Variants in ZMYM2 observed in about 807,000 individuals in gnomAD.
ZMYM2 encodes zinc finger MYM-type protein 2.
ZMYM2 carries 56 observed loss-of-function variants against 162.8 expected under a neutral mutation model. The ratio of observed to expected loss-of-function variants is 0.34; its 90% CI spans 0.28 to 0.43. The LOEUF is 0.43. Ranked by LOEUF, ZMYM2 falls within the 20% of genes least tolerant of loss-of-function variation. The pLI, the probability that ZMYM2 is intolerant of heterozygous loss-of-function variation, is 1.00. For synonymous variants in ZMYM2, 510 were observed against 541.6 expected (o/e 0.94, Z 0.81); for missense variants, 1,275 against 1,621.8 (o/e 0.79, Z 3.67).
chr13:20,067,675 G>A (rs1956784317), intron 21 of ZMYM2, among the ~76,000 whole-genome samples: 1 of 152,112 alleles, frequency 6.6e-6, no homozygotes, highest in Admixed American at 6.5e-5. Flanking sequence ...TCTGTAAATA[G>A]GTCTGTTTCA....
intron 11 of ZMYM2, among the ~76,000 whole-genome samples, chr13:20,035,527 TCTTA>T (rs1266895653): frequency 1.3e-5 from 2 of 152,214 alleles, no homozygotes; most frequent in Admixed American, 6.5e-5. Context: ...GCAATGACAT[TCTTA>T]CTGATTCATA....
chr13:19,925,717 C>T, the ZMYM2 span, among the ~76,000 whole-genome samples: 6 of 151,286 alleles, frequency 4.0e-5, no homozygotes, highest in African/African-American at 9.7e-5. Context: ...CACTAAAATA[C>T]AAAAATTAGC....
intron 2 of ZMYM2, among the ~76,000 whole-genome samples, chr13:19,968,255 T>C (rs576508025): frequency 8.5e-5 from 13 of 152,262 alleles, no homozygotes; most frequent in Admixed American, 1.3e-4. Flanking sequence ...GACTTTCCTT[T>C]TTTTGAGCCA....
chr13:19,919,500 C>A, the ZMYM2 span, among the ~76,000 whole-genome samples: 1 of 151,950 alleles, frequency 6.6e-6, no homozygotes, highest in African/African-American at 2.4e-5. Flanking sequence ...TGCCTTCTCA[C>A]CATCATAGGG....
chr13:19,884,387 AAC>A, the ZMYM2 span, among the ~76,000 whole-genome samples: 8,205 of 152,200 alleles, frequency 0.054, 297 homozygotes, highest in Middle Eastern at 0.1. Flanking sequence ...GGCCCGGGCT[AAC>A]ACAGTATAAC....
intron 2 of ZMYM2, among the ~76,000 whole-genome samples, chr13:19,987,198 T>C (rs1949226228): frequency 6.6e-6 from 1 of 151,268 alleles, no homozygotes; most frequent in Admixed American, 6.6e-5. Flanking sequence ...GAGGTCAGGA[T>C]TTAAATATTC....
intron 2 of ZMYM2, among the ~76,000 whole-genome samples, chr13:19,962,154 G>A (rs1365755194): frequency 6.6e-6 from 1 of 152,100 alleles, no homozygotes; most frequent in East Asian, 1.9e-4. Flanking sequence ...TAACTTCTGT[G>A]TGGATATAGA....
the ZMYM2 span, among the ~76,000 whole-genome samples, chr13:19,903,483 CAAAAAAAA>C: frequency 5.5e-4 from 46 of 83,730 alleles, 1 homozygote; most frequent in Admixed American, 1.3e-3. Flanking sequence ...ACTAAAAATA[CAAAAAAAA>C]AAAAAAAAAA....
At chr13:19,888,896 C>A in the ZMYM2 span, among the ~76,000 whole-genome samples, 1 of 151,868 alleles carries the variant, frequency 6.6e-6, no homozygotes, top group East Asian at 1.9e-4. Flanking sequence ...CTGTGCCTGG[C>A]CTATTATTTA....
In ZMYM2 at chr13:20,026,706, C is replaced by G; in HGVS notation, c.1679C>G (p.Pro560Arg). 1 of 1,606,188 alleles carries G rather than the reference C, an allele frequency of 6.2e-7. No homozygotes were observed. The highest frequency in any genetic ancestry group is 8.5e-7 in the Non-Finnish European group (1 of 1,178,318). The stretch of plus-strand genomic sequence containing the variant: ...ATAGGTCCTAATGGATATATGGAGC[C>G]ATATTGTTCAACTGCTTGTATGAAC... ...QCIGPNGYMEPYCSTACMNSH... is the reference protein window; with the variant it reads ...QCIGPNGYMERYCSTACMNSH... Residue 560 changes from proline to arginine, a missense_variant, in exon 8 of 25, where the codon CCA (proline) becomes CGA (arginine). Pro to Arg is a moderately radical substitution (Grantham distance 103). This residue lies in a region of ZMYM2 where 276 missense variants were observed against 311.8 expected (regional missense o/e 0.89). Coordinates refer to ENST00000610343, the MANE Select transcript of ZMYM2 (RefSeq NM_197968.4).
the ZMYM2 span, among the ~76,000 whole-genome samples, chr13:19,942,118 T>C: frequency 6.6e-6 from 1 of 152,146 alleles, no homozygotes; most frequent in African/African-American, 2.4e-5. Flanking sequence ...AAACCGAGTA[T>C]ATAATGCATT....
the ZMYM2 span, among the ~76,000 whole-genome samples, chr13:19,932,398 A>G: frequency 6.6e-6 from 1 of 152,312 alleles, no homozygotes; most frequent in African/African-American, 2.4e-5. Flanking sequence ...CTGTAATCCC[A>G]GCACTTTGGG....
chr13:19,993,686 C>T lies in ZMYM2; in HGVS notation c.614C>T (p.Thr205Ile), dbSNP rs771082366. The change falls in exon 3 of 25, where the codon ACT becomes ATT. Residue 205 changes from threonine (T) to isoleucine (I), a missense_variant. By Grantham distance (89) the Thr-to-Ile change is moderately conservative. Around this residue, in one of 10 missense-constraint regions of ZMYM2, gnomAD observed 295 missense variants for 286.7 expected, o/e 1.03. Coordinates refer to ENST00000610343, the MANE Select transcript of ZMYM2 (RefSeq NM_197968.4). ...GTGAATGATGGCCAATTAGAAAATACTGACGGGCGAGATATGAACTTAATG... is the reference window on the plus strand; with the variant it reads ...GTGAATGATGGCCAATTAGAAAATATTGACGGGCGAGATATGAACTTAATG... ...SSVNDGQLEN[T>I]DGRDMNLMIT... The T allele has an allele frequency of 6.2e-7, 1 of 1,614,010 alleles. No individual in the cohort carries two copies. Among genetic ancestry groups the T allele is most frequent in the Non-Finnish European group, 8.5e-7 (1 of 1,179,892 alleles).
chr13:19,988,936 T>C (rs1441226682), intron 2 of ZMYM2, among the ~76,000 whole-genome samples: 2 of 152,354 alleles, frequency 1.3e-5, no homozygotes, highest in East Asian at 3.9e-4. Context: ...TCCGCTAAGA[T>C]GACTCCTTTT....
intron 3 of ZMYM2, among the ~76,000 whole-genome samples, chr13:19,997,848 G>A (rs1950131672): frequency 1.3e-5 from 2 of 152,084 alleles, no homozygotes; most frequent in African/African-American, 4.8e-5. Context: ...AGTAGATCTT[G>A]AAATTTTGTT....
chr13:19,964,506 C>G (rs1955566599), intron 2 of ZMYM2, among the ~76,000 whole-genome samples: 1 of 152,264 alleles, frequency 6.6e-6, no homozygotes, highest in Non-Finnish European at 1.5e-5. Flanking sequence ...CTCAAGCGAT[C>G]TTCCCACCTT....
At chr13:20,074,639 C>T (rs974150419) in intron 21 of ZMYM2, among the ~76,000 whole-genome samples, 9 of 150,992 alleles carry the variant, frequency 6.0e-5, no homozygotes, top group East Asian at 2.0e-4. Context: ...CCTGGGTTCA[C>T]GCCATTCTCC....
the ZMYM2 span, among the ~76,000 whole-genome samples, chr13:19,883,016 G>C: frequency 6.6e-6 from 1 of 152,116 alleles, no homozygotes. Context: ...TCCATTAATG[G>C]ACGAAAGGAT....
chr13:20,059,670 A>G (rs1463662309), intron 16 of ZMYM2, 108 bp downstream of exon 16: 1 of 649,458 alleles, frequency 1.5e-6, no homozygotes, highest in East Asian at 2.9e-5. Context: ...CCATGCATCC[A>G]CATATGTGGA....
Sources: allele counts gnomAD v4.1 joint callset (sites outside exome capture counted in the v4.1 genomes callset), GRCh38; gene constraint gnomAD v4.1.1; regional missense constraint gnomAD v4.1.1; transcripts MANE v1.5; gene names NCBI Gene and HGNC (gene_info 2026-07-23, HGNC 2026-07-21).